The following FSTL5 variants were observed in gnomAD, a reference collection of about 807,000 sequenced individuals.
FSTL5 encodes the protein follistatin like 5.
FSTL5 carries 62 observed loss-of-function variants against 89.1 expected under a neutral mutation model. The observed-to-expected ratio is 0.70, with a 90% CI of 0.57 to 0.86. The LOEUF is 0.86. FSTL5 is among the 40% of genes least tolerant of loss of function. The pLI, the probability that FSTL5 is intolerant of heterozygous loss-of-function variation, is 0.00. For synonymous variants in FSTL5, 383 were observed against 346.2 expected, an observed-to-expected ratio of 1.11 and a Z score of -1.18; for missense variants, 1,057 against 1,001.6, an observed-to-expected ratio of 1.06 and a Z score of -0.75.
Position 161,384,750 on chromosome 4 carries a change from T to A in FSTL5, c.*997A>T, listed in dbSNP as rs1368993076. ...TCTAAGCCACTAATACCTCATCAATTCTCTTGCCAGTTTTCTTTTCCTAGG... is the reference window on the plus strand; with the variant it reads ...TCTAAGCCACTAATACCTCATCAATACTCTTGCCAGTTTTCTTTTCCTAGG... On this transcript the variant is annotated 3_prime_UTR_variant, in exon 16 of 16. Coordinates refer to ENST00000306100, the MANE Select transcript of FSTL5 (RefSeq NM_020116.5). 2 of 152,156 alleles carry A rather than the reference T, an allele frequency of 1.3e-5. No homozygotes were observed. The allele number at this position is 152,156 out of a possible 1,614,324, so 9.4% of individuals were successfully genotyped here.
intron 3 of FSTL5, among the ~76,000 whole-genome samples, chr4:162,003,405 C>T (rs1736523444): frequency 6.6e-6 from 1 of 152,064 alleles, no homozygotes; most frequent in Non-Finnish European, 1.5e-5. Context: ...AGATTCCTGG[C>T]TTTGAAGTTG....
intron 4 of FSTL5, among the ~76,000 whole-genome samples, chr4:161,820,017 T>C (rs915495219): frequency 5.9e-5 from 9 of 152,166 alleles, no homozygotes; most frequent in African/African-American, 1.9e-4. Flanking sequence ...CTTTAAACTT[T>C]TACTTTATTA....
chr4:161,403,343 A>T (rs1731249505), intron 15 of FSTL5, among the ~76,000 whole-genome samples: 1 of 152,190 alleles, frequency 6.6e-6, no homozygotes, highest in Non-Finnish European at 1.5e-5. Context: ...ACGAAAAAAC[A>T]AGAGGAATCT....
intron 8 of FSTL5, among the ~76,000 whole-genome samples, chr4:161,556,996 C>T (rs984216922): frequency 6.6e-6 from 1 of 151,114 alleles, no homozygotes; most frequent in Non-Finnish European, 1.5e-5. Flanking sequence ...GAATGAGCTT[C>T]TTAATGGGAA....
chr4:162,070,803 C>A (rs1729590601), intron 2 of FSTL5, among the ~76,000 whole-genome samples: 1 of 151,722 alleles, frequency 6.6e-6, no homozygotes, highest in African/African-American at 2.4e-5. Context: ...CTATACCCAT[C>A]AAGGCTATCC....
At chr4:161,661,027 A>G (rs1736688633) in intron 6 of FSTL5, among the ~76,000 whole-genome samples, 1 of 152,088 alleles carries the variant, frequency 6.6e-6, no homozygotes, top group Non-Finnish European at 1.5e-5. Context: ...GGTCAATGGG[A>G]GTGTAAATTA....
chr4:161,874,992 C>T (rs1732396347), intron 4 of FSTL5, among the ~76,000 whole-genome samples: 1 of 152,116 alleles, frequency 6.6e-6, no homozygotes, highest in Non-Finnish European at 1.5e-5. Flanking sequence ...TTTAAAACTG[C>T]TTATTTCTAC....
At chr4:161,492,818 T>C (rs1003950839) in intron 12 of FSTL5, among the ~76,000 whole-genome samples, 6 of 152,202 alleles carry the variant, frequency 3.9e-5, no homozygotes, top group South Asian at 2.1e-4. Flanking sequence ...TTAATTTCCA[T>C]GTGGACAACA....
chr4:161,562,873 A>G (rs964200994), intron 8 of FSTL5, among the ~76,000 whole-genome samples: 7 of 152,038 alleles, frequency 4.6e-5, no homozygotes, highest in African/African-American at 1.7e-4. Flanking sequence ...TCCTGAAAGT[A>G]CCTCATATAC....
chr4:162,055,635 T>C (rs1445874624), intron 2 of FSTL5, among the ~76,000 whole-genome samples: 4 of 151,872 alleles, frequency 2.6e-5, no homozygotes, highest in Non-Finnish European at 5.9e-5. Context: ...AAACAGAATG[T>C]TAATTTTTTC....
chr4:162,002,284 A>G (rs1736487066), intron 3 of FSTL5, among the ~76,000 whole-genome samples: 1 of 152,180 alleles, frequency 6.6e-6, no homozygotes, highest in Admixed American at 6.5e-5. Flanking sequence ...AAATCTGTAA[A>G]TGTCTTCCCC....
Position 162,146,178 on chromosome 4 carries a change from A to G in FSTL5, c.-17+17437T>C, listed in dbSNP as rs1235695886. On this transcript the variant is annotated intron_variant, in intron 1 of 15. Coordinates refer to ENST00000306100, the MANE Select transcript of FSTL5 (RefSeq NM_020116.5). ...CACCCAATGTTGTTTTCTTTCTAAC[A>G]CTTGAATGGAGATATCTATGTAAAT... Among the ~76,000 whole-genome samples, 7 of 152,138 alleles carry G rather than the reference A, an allele frequency of 4.6e-5. No homozygotes were observed. In the East Asian group the frequency reaches 1.4e-3, roughly 29 times the overall value.
chr4:162,046,624 T>C (rs556656561), intron 2 of FSTL5, among the ~76,000 whole-genome samples: 1 of 152,128 alleles, frequency 6.6e-6, no homozygotes, highest in Non-Finnish European at 1.5e-5. Context: ...GCCACATAAA[T>C]TAAATAAACA....
intron 12 of FSTL5, among the ~76,000 whole-genome samples, chr4:161,489,831 C>A (rs2126467629): frequency 6.6e-6 from 1 of 152,182 alleles, no homozygotes; most frequent in African/African-American, 2.4e-5. Context: ...GATATTCAAC[C>A]TTTTCATTAA....
chr4:161,460,208 G>T (rs1266577271), intron 13 of FSTL5, among the ~76,000 whole-genome samples: 1 of 151,808 alleles, frequency 6.6e-6, no homozygotes. Flanking sequence ...TATCCTTAGA[G>T]AATTTTCTTT....
At chr4:161,472,913 C>G (rs922452393) in intron 13 of FSTL5, among the ~76,000 whole-genome samples, 1 of 151,848 alleles carries the variant, frequency 6.6e-6, no homozygotes, top group Non-Finnish European at 1.5e-5. Context: ...TTAGTAGAGA[C>G]GGGGTTTCAC....
rs1173358950 is a variant in FSTL5 at position 161,464,471 on chromosome 4, C to T, written c.1609-5152G>A. 2.0e-5 allele frequency among the ~76,000 whole-genome samples: 3 copies of T among 152,142 alleles called. No homozygotes were observed. In the East Asian group the frequency reaches 5.8e-4, roughly 29 times the overall value. ...GCATACCTCTTCTCCTCAGCTTTCC[C>T]AAGCCCTCCTGTCCTTGCTCCGCAG... On this transcript the variant is annotated intron_variant, in intron 13 of 15. Transcript: ENST00000306100.
At chr4:161,590,982 G>A (rs1005511875) in intron 7 of FSTL5, among the ~76,000 whole-genome samples, 2 of 152,156 alleles carry the variant, frequency 1.3e-5, no homozygotes, top group African/African-American at 4.8e-5. Context: ...AATGTGCATA[G>A]CTATATTTAT....
chr4:162,097,785 G>A (rs1202922293), intron 2 of FSTL5, among the ~76,000 whole-genome samples: 1 of 151,814 alleles, frequency 6.6e-6, no homozygotes, highest in Non-Finnish European at 1.5e-5. Flanking sequence ...ACACTCTCCA[G>A]AATGTCTGAA....
Sources: allele counts gnomAD v4.1 joint callset (sites outside exome capture counted in the v4.1 genomes callset), GRCh38; gene constraint gnomAD v4.1.1; transcripts MANE v1.5; gene names NCBI Gene and HGNC (gene_info 2026-07-23, HGNC 2026-07-21).